The following CNOT6L variants were observed in gnomAD, a reference collection of about 807,000 sequenced individuals.
CNOT6L encodes the protein CCR4-NOT transcription complex subunit 6-like.
A neutral mutation model predicts 64.0 loss-of-function variants in CNOT6L; 7 were observed. The ratio of observed to expected loss-of-function variants is 0.11; its 90% confidence interval spans 0.06 to 0.21. CNOT6L has a LOEUF of 0.21. Ranked by LOEUF, CNOT6L falls within the 10% of genes least tolerant of loss-of-function variation. The pLI is 1.00. For synonymous variants in CNOT6L, 193 were observed against 243.4 expected (o/e 0.79, Z 1.93); for missense variants, 245 against 669.0 (o/e 0.37, Z 6.99).
intron 4 of CNOT6L, among the ~76,000 whole-genome samples, chr4:77,767,776 C>T (rs1425142552): frequency 1.3e-5 from 2 of 151,674 alleles, no homozygotes; most frequent in Non-Finnish European, 2.9e-5. Context: ...GTCAGGAGTT[C>T]GAGACCAGCC....
chr4:77,808,898 T>C (rs1355240854), intron 1 of CNOT6L, among the ~76,000 whole-genome samples: 1 of 152,192 alleles, frequency 6.6e-6, no homozygotes, highest in Non-Finnish European at 1.5e-5. Flanking sequence ...AGCATTATAG[T>C]ATAAGAGTGT....
rs999235827 is a variant in CNOT6L at position 77,812,221 on chromosome 4, G to T, written c.5+7083C>A. Among the ~76,000 whole-genome samples, 5 of 151,890 alleles carry T rather than the reference G, an allele frequency of 3.3e-5. No individual in the cohort carries two copies. In the East Asian group the frequency reaches 7.7e-4, roughly 23 times the overall value. On this transcript the variant is annotated intron_variant, in intron 1 of 11. Transcript: ENST00000504123. ...GCACTTTGGGAGGCTGAGGCAGGTG[G>T]ATCACGAGGTCGGCAAGACCAGCCT...
chr4:77,760,445 T>C (rs776922533), intron 4 of CNOT6L, among the ~76,000 whole-genome samples: 10 of 151,784 alleles, frequency 6.6e-5, no homozygotes, highest in Non-Finnish European at 1.0e-4. Flanking sequence ...TTGTAGGATA[T>C]GGAAAAACCA....
At chr4:77,784,932 A>G (rs1474389056) in intron 1 of CNOT6L, among the ~76,000 whole-genome samples, 2 of 152,210 alleles carry the variant, frequency 1.3e-5, no homozygotes, top group African/African-American at 4.8e-5. Flanking sequence ...CCATGCAGAA[A>G]TCAAGTTAAT....
intron 1 of CNOT6L, among the ~76,000 whole-genome samples, chr4:77,795,806 T>G (rs992296764): frequency 3.9e-5 from 6 of 152,162 alleles, no homozygotes; most frequent in East Asian, 3.9e-4. Flanking sequence ...CACTGGAAAC[T>G]ATAACACATT....
chr4:77,768,470 A>AAAATATAT (rs1727112716), intron 4 of CNOT6L, among the ~76,000 whole-genome samples: 1 of 134,404 alleles, frequency 7.4e-6, no homozygotes, highest in African/African-American at 3.0e-5. Context: ...GTCTAAAATA[A>AAAATATAT]ATAAATATAT....
Position 77,715,086 on chromosome 4 carries a change from T to C in CNOT6L, c.*5345A>G, listed in dbSNP as rs1358479186. ...AGGACCACTTCTGAGAGGGTTACCATGATTCTTACGCTTTAGAGTTAAAAG... is the reference window on the plus strand; with the variant it reads ...AGGACCACTTCTGAGAGGGTTACCACGATTCTTACGCTTTAGAGTTAAAAG... On this transcript the variant is annotated 3_prime_UTR_variant, in exon 12 of 12. Transcript: ENST00000504123. The C allele has an allele frequency of 6.6e-6, 1 of 152,156 alleles. No individual in the cohort carries two copies. Among genetic ancestry groups the C allele is most frequent in the Non-Finnish European group, 1.5e-5 (1 of 68,018 alleles). 9.4% of individuals were successfully genotyped at this position (152,156 alleles called of 1,614,324 possible).
chr4:77,778,903 G>C (rs1442299520), intron 1 of CNOT6L, among the ~76,000 whole-genome samples: 4 of 151,248 alleles, frequency 2.6e-5, no homozygotes, highest in South Asian at 2.1e-4. Flanking sequence ...AAAAATTAGC[G>C]GGGCGTGGTG....
intron 10 of CNOT6L, among the ~76,000 whole-genome samples, chr4:77,727,546 G>C: frequency 9.2e-6 from 1 of 109,124 alleles, no homozygotes; most frequent in South Asian, 3.1e-4. Context: ...TTGGCAACAA[G>C]AGCACAACTC....
chr4:77,759,013 C>G (rs940165429), intron 4 of CNOT6L, among the ~76,000 whole-genome samples: 3 of 151,944 alleles, frequency 2.0e-5, no homozygotes, highest in Admixed American at 6.6e-5. Context: ...ACTTCCTCCC[C>G]CTCCGCACCT....
chr4:77,718,767 C>G lies in CNOT6L; in HGVS notation c.*1664G>C, dbSNP rs1426069736. ...TATGGAAGAAATTAGCATAAAATGA[C>G]CAAAGTAAATGCATCATTTAAGACT... On this transcript the variant is annotated 3_prime_UTR_variant, in exon 12 of 12. Coordinates refer to ENST00000504123, the MANE Select transcript of CNOT6L (RefSeq NM_144571.3). The G allele has an allele frequency of 6.6e-6, 1 of 152,352 alleles. No individual in the cohort carries two copies. Among genetic ancestry groups the G allele is most frequent in the Non-Finnish European group, 1.5e-5 (1 of 68,000 alleles). 9.4% of individuals were successfully genotyped at this position (152,352 alleles called of 1,614,324 possible). A position where few individuals can be genotyped will look rare whatever the true frequency, so the allele number is the denominator to read the frequency against.
At chr4:77,747,586 TA>T (rs75678892) in intron 6 of CNOT6L, among the ~76,000 whole-genome samples, 16 of 151,590 alleles carry the variant, frequency 1.1e-4, no homozygotes, top group Non-Finnish European at 2.1e-4. Flanking sequence ...CTCTTGTGAT[TA>T]AAAAAAAGAC....
chr4:77,820,043 G>A (rs1402415802), upstream of CNOT6L, among the ~76,000 whole-genome samples: 1 of 152,146 alleles, frequency 6.6e-6, no homozygotes, highest in African/African-American at 2.4e-5. Flanking sequence ...GCCTCCTGGT[G>A]CTGGGGCTGC....
At chr4:77,727,328 C>A (rs540769647) in intron 10 of CNOT6L, among the ~76,000 whole-genome samples, 1 of 151,984 alleles carries the variant, frequency 6.6e-6, no homozygotes, top group African/African-American at 2.4e-5. Context: ...TTTGAGAGGC[C>A]GAGGTGGGCG....
intron 1 of CNOT6L, 172 bp downstream of exon 1, chr4:77,819,132 G>C (rs1335341579): frequency 1.5e-4 from 187 of 1,271,452 alleles, no homozygotes; most frequent in Middle Eastern, 1.9e-4. Context: ...GCCCCCTCCA[G>C]TCACCCGACA....
chr4:77,731,842 A>G (rs1333213040), intron 8 of CNOT6L: 4 of 228,194 alleles, frequency 1.8e-5, no homozygotes, highest in South Asian at 1.5e-4. Context: ...GCAAAAGCCA[A>G]CCTTCTAAAA....
intron 4 of CNOT6L, among the ~76,000 whole-genome samples, chr4:77,763,906 C>A (rs1726517063): frequency 6.6e-6 from 1 of 152,066 alleles, no homozygotes; most frequent in South Asian, 2.1e-4. Context: ...TATAATAACC[C>A]ATATTAAAAA....
chr4:77,809,788 G>C (rs1246964428), intron 1 of CNOT6L, among the ~76,000 whole-genome samples: 1 of 152,048 alleles, frequency 6.6e-6, no homozygotes, highest in Non-Finnish European at 1.5e-5. Context: ...TAAGTAATAT[G>C]GGAAAGAGAA....
At chr4:77,768,474 A>T (rs28707335) in intron 4 of CNOT6L, among the ~76,000 whole-genome samples, 316 of 12,834 alleles carry the variant, frequency 0.025, 4 homozygotes, top group Middle Eastern at 0.033. Context: ...AAAATAAATA[A>T]ATATATATAT....
Sources: gnomAD v4.1 joint callset for allele counts (sites outside exome capture counted in the v4.1 genomes callset) on GRCh38, gnomAD v4.1.1 for gene constraint, MANE v1.5 for transcripts, NCBI Gene and HGNC (gene_info 2026-07-23, HGNC 2026-07-21) for gene names.